ATP13A4: variants seen among roughly 807,000 people sequenced by gnomAD.
ATP13A4 encodes the protein ATPase 13A4, also known as probable cation-transporting ATPase 13A4.
Under a neutral mutation model 142.5 loss-of-function variants are expected in ATP13A4, and 114 were observed. The observed-to-expected ratio is 0.80, with a 90% CI of 0.69 to 0.93. The LOEUF (loss-of-function observed/expected upper bound fraction) is 0.93. Among genes scored for constraint, ATP13A4 ranks in the 40% least tolerant of loss-of-function variants. The pLI is 0.00. For missense variants in ATP13A4, 1,392 were observed against 1,454.0 expected (o/e 0.96, Z 0.69); for synonymous variants, 488 against 514.8 (o/e 0.95, Z 0.70).
chr3:193,415,457 G>C (rs1715011354), intron 25 of ATP13A4, among the ~76,000 whole-genome samples: 1 of 152,230 alleles, frequency 6.6e-6, no homozygotes. Context: ...TAGGATCACA[G>C]GAAAGTTTTG....
intron 18 of ATP13A4, among the ~76,000 whole-genome samples, chr3:193,446,413 A>T (rs935223123): frequency 6.6e-6 from 1 of 152,132 alleles, no homozygotes; most frequent in Non-Finnish European, 1.5e-5. Flanking sequence ...GTTTCCAGGG[A>T]TTGATTCTAA....
intron 1 of ATP13A4, among the ~76,000 whole-genome samples, chr3:193,585,263 CA>C (rs34785640): frequency 0.49 from 74,231 of 151,448 alleles, 18,564 homozygotes; most frequent in African/African-American, 0.55. Context: ...ACTAAAAATA[CA>C]AAAAAATTAG....
intron 25 of ATP13A4, among the ~76,000 whole-genome samples, chr3:193,430,394 C>A (rs1715904915): frequency 6.6e-6 from 1 of 152,058 alleles, no homozygotes. Flanking sequence ...TCAATACAGA[C>A]TAAATGTTGT....
intron 1 of ATP13A4, among the ~76,000 whole-genome samples, chr3:193,590,139 C>T (rs146985918): frequency 3.1e-4 from 47 of 152,256 alleles, no homozygotes; most frequent in African/African-American, 5.8e-4. Context: ...TTAACTGATT[C>T]AAGACCAGCC....
In ATP13A4 at chr3:193,457,301, G is replaced by A. The variant is rs932777992; in HGVS notation, c.1761+78C>T. Reference sequence around the variant, plus strand: ...ACCTGAAATTCAAAGACACATCTGTGACCTTTCAAAAACTGGGGGCCAGAA... The same window carrying A: ...ACCTGAAATTCAAAGACACATCTGTAACCTTTCAAAAACTGGGGGCCAGAA... On this transcript the variant is annotated intron_variant, in intron 15 of 29. Coordinates refer to ENST00000342695, the MANE Select transcript of ATP13A4 (RefSeq NM_032279.4). 1.3e-5 allele frequency: 21 copies of A among 1,580,120 alleles called. No homozygotes were observed. The East Asian group carries it at 4.7e-4, about 35-fold the overall frequency.
intron 8 of ATP13A4, among the ~76,000 whole-genome samples, chr3:193,477,569 A>G (rs1719039902): frequency 6.6e-6 from 1 of 152,142 alleles, no homozygotes; most frequent in Non-Finnish European, 1.5e-5. Flanking sequence ...TATAAAATAT[A>G]TGAAACAATG....
chr3:193,529,155 A>T (rs1324404111), intron 1 of ATP13A4, among the ~76,000 whole-genome samples: 2 of 152,064 alleles, frequency 1.3e-5, no homozygotes, highest in African/African-American at 4.8e-5. Context: ...CTGTAGTCCC[A>T]GCTACTCGGG....
chr3:193,470,566 C>T (rs1718558526), intron 9 of ATP13A4, among the ~76,000 whole-genome samples: 2 of 152,190 alleles, frequency 1.3e-5, no homozygotes, highest in African/African-American at 4.8e-5. Context: ...TCTCTACAAT[C>T]TTTTAAGGTA....
chr3:193,566,477 G>A (rs1346414449), intron 2 of ATP13A4, among the ~76,000 whole-genome samples: 1 of 152,128 alleles, frequency 6.6e-6, no homozygotes, highest in Non-Finnish European at 1.5e-5. Flanking sequence ...ATGCAGCCCG[G>A]AACCTTCTTT....
intron 29 of ATP13A4, among the ~76,000 whole-genome samples, chr3:193,405,738 A>G (rs1311878011): frequency 6.6e-6 from 1 of 152,150 alleles, no homozygotes; most frequent in Admixed American, 6.5e-5. Context: ...AGCCACTGTT[A>G]GTTAAGTCGT....
intron 29 of ATP13A4, chr3:193,403,923 ATAG>A: frequency 1.0e-6 from 1 of 985,432 alleles, no homozygotes; most frequent in South Asian, 4.7e-5. Flanking sequence ...TTTGCCAGAT[ATAG>A]TAGTTTTCCT....
At chr3:193,573,285 A>ATGTG (rs1560287259) in intron 2 of ATP13A4, among the ~76,000 whole-genome samples, 5 of 98,100 alleles carry the variant, frequency 5.1e-5, no homozygotes, top group African/African-American at 2.0e-4. Context: ...ACATATATAT[A>ATGTG]TATACACATA....
intron 1 of ATP13A4, among the ~76,000 whole-genome samples, chr3:193,533,874 G>A (rs1722455121): frequency 6.6e-6 from 1 of 152,142 alleles, no homozygotes; most frequent in African/African-American, 2.4e-5. Context: ...ACTCCCTGTG[G>A]TATCAGTGGA....
chr3:193,423,110 C>A (rs1343654407), intron 25 of ATP13A4, among the ~76,000 whole-genome samples: 1 of 149,566 alleles, frequency 6.7e-6, no homozygotes, highest in Non-Finnish European at 1.5e-5. Context: ...ATTAGAAAAT[C>A]TAGAATAAAT....
Position 193,457,132 on chromosome 3 carries a change from T to C in ATP13A4, c.1783A>G (p.Ile595Val), listed in dbSNP as rs777585138. Residue 595 changes from isoleucine (I) to valine (V), a missense_variant, in exon 16 of 30, where the codon ATC becomes GTC. Physicochemically the swap from Ile to Val is conservative, Grantham distance 29. Transcript: ENST00000342695. Reference sequence around the variant, plus strand: ...GATGAGAATGGGAACTGATGCAGGATTGCAATTCCTTCCACTGGGACCTGG... The same window carrying C: ...GATGAGAATGGGAACTGATGCAGGACTGCAATTCCTTCCACTGGGACCTGG... ...ASQVPVEGIA[I>V]LHQFPFSSAL... 2.5e-6 allele frequency: 4 copies of C among 1,613,122 alleles called. No homozygotes were observed. The highest frequency in any genetic ancestry group is 1.3e-5 in the African/African-American group (1 of 74,908).
chr3:193,444,523 T>C (rs752395327), intron 18 of ATP13A4, among the ~76,000 whole-genome samples: 9 of 152,204 alleles, frequency 5.9e-5, no homozygotes, highest in Non-Finnish European at 1.2e-4. Context: ...GAAACAGAAA[T>C]GATAATGATC....
intron 13 of ATP13A4, among the ~76,000 whole-genome samples, chr3:193,460,768 T>C (rs1001944917): frequency 6.6e-5 from 10 of 152,242 alleles, no homozygotes; most frequent in South Asian, 2.1e-4. Flanking sequence ...GGCCAGACTC[T>C]GTTTAGCACA....
intron 18 of ATP13A4, among the ~76,000 whole-genome samples, chr3:193,447,919 A>G (rs1717047034): frequency 6.6e-6 from 1 of 152,182 alleles, no homozygotes; most frequent in Non-Finnish European, 1.5e-5. Context: ...TCGGAGAGGC[A>G]TCTCTTAACC....
Position 193,454,118 on chromosome 3 carries a change from G to A in ATP13A4, c.2010C>T (p.His670=), listed in dbSNP as rs763761559. 2.4e-5 allele frequency: 38 copies of A among 1,612,412 alleles called. 1 individual carries two copies. The highest frequency in any genetic ancestry group is 2.7e-5 in the Non-Finnish European group (32 of 1,178,550). The part of the protein sequence containing the change: ...LAYKKLENDH[H]ATTLTRETVE... ...CCATTTACCTCGTCAAGGTAGTAGCGTGATGGTCATTTTCCAGCTTCTTGT... is the reference window on the plus strand; with the variant it reads ...CCATTTACCTCGTCAAGGTAGTAGCATGATGGTCATTTTCCAGCTTCTTGT... The change falls in exon 17 of 30, where the codon CAC becomes CAT. Residue 670 remains histidine (H), a synonymous_variant. Coordinates refer to ENST00000342695, the MANE Select transcript of ATP13A4 (RefSeq NM_032279.4).
Sources: allele counts gnomAD v4.1 joint callset (sites outside exome capture counted in the v4.1 genomes callset), GRCh38; gene constraint gnomAD v4.1.1; transcripts MANE v1.5; gene names NCBI Gene and HGNC (gene_info 2026-07-23, HGNC 2026-07-21).